Variants in DCC observed in about 807,000 individuals in gnomAD.
DCC encodes the protein netrin receptor DCC.
Under a neutral mutation model 172.5 loss-of-function variants are expected in DCC, and 58 were observed. The ratio of observed to expected loss-of-function variants is 0.34; its 90% CI spans 0.27 to 0.42. The LOEUF is 0.42. Among genes scored for constraint, DCC ranks in the 10% least tolerant of loss-of-function variants. The pLI, the probability that DCC is intolerant of heterozygous loss-of-function variation, is 1.00. For missense variants in DCC, 1,740 were observed against 1,791.0 expected (o/e 0.97, Z 0.51); for synonymous variants, 709 against 644.5 (o/e 1.10, Z -1.52).
intron 1 of DCC, among the ~76,000 whole-genome samples, chr18:52,650,403 A>G (rs2035108092): frequency 6.6e-6 from 1 of 152,214 alleles, no homozygotes; most frequent in Non-Finnish European, 1.5e-5. Context: ...TACAATGTAC[A>G]TTATTTGGGT....
At chr18:52,921,909 C>T (rs1040696285) in intron 3 of DCC, among the ~76,000 whole-genome samples, 1 of 151,624 alleles carries the variant, frequency 6.6e-6, no homozygotes, top group Non-Finnish European at 1.5e-5. Context: ...TACCGAGGAG[C>T]AGATGGTAAA....
At position 52,832,450 on chromosome 18, in the gene DCC, C is replaced by T. The variant is rs1031937071; in HGVS notation, c.413-73594C>T. Reference sequence around the variant, plus strand: ...AAAACTCTGCATGTACCTGTGCACCCTCAAAAACCCTGTGCACCCCAAAAT... The same window carrying T: ...AAAACTCTGCATGTACCTGTGCACCTTCAAAAACCCTGTGCACCCCAAAAT... On this transcript the variant is annotated intron_variant, in intron 2 of 28. Coordinates refer to ENST00000442544, the MANE Select transcript of DCC (RefSeq NM_005215.4). 9.3e-4 allele frequency among the ~76,000 whole-genome samples: 8 copies of T among 8,578 alleles called. No individual in the cohort carries two copies. The Non-Finnish European group carries it at 0.033, about 35-fold the overall frequency. 5.6% of individuals were successfully genotyped at this position (8,578 alleles called of 152,430 possible). A position where few individuals can be genotyped will look rare whatever the true frequency, so the allele number is the denominator to read the frequency against.
At chr18:52,509,987 C>A (rs1437647784) in intron 1 of DCC, among the ~76,000 whole-genome samples, 1 of 152,058 alleles carries the variant, frequency 6.6e-6, no homozygotes, top group Non-Finnish European at 1.5e-5. Context: ...CCTAGTTATC[C>A]CAGCTACTCT....
chr18:53,190,471 TG>T (rs2055350122), intron 9 of DCC, among the ~76,000 whole-genome samples: 1 of 69,574 alleles, frequency 1.4e-5, no homozygotes, highest in Non-Finnish European at 3.4e-5. Context: ...TGTGTGTGTG[TG>T]TGTGTGTGTG....
chr18:53,134,943 G>A (rs562777838), intron 7 of DCC, among the ~76,000 whole-genome samples: 1 of 152,238 alleles, frequency 6.6e-6, no homozygotes, highest in Non-Finnish European at 1.5e-5. Flanking sequence ...TATTGTAACT[G>A]TTGTCACTCT....
intron 2 of DCC, among the ~76,000 whole-genome samples, chr18:52,772,508 C>A (rs2037361285): frequency 6.6e-6 from 1 of 152,058 alleles, no homozygotes; most frequent in Admixed American, 6.6e-5. Flanking sequence ...AGTTAATGTC[C>A]AAGGTACTTA....
chr18:52,930,218 G>A (rs1404158049), intron 5 of DCC, among the ~76,000 whole-genome samples: 1 of 151,976 alleles, frequency 6.6e-6, no homozygotes, highest in East Asian at 1.9e-4. Flanking sequence ...TGCCACCTTG[G>A]CCTCCCAAGG....
At chr18:53,505,248 C>T (rs2046157476) in intron 27 of DCC, 1 of 152,058 alleles carries the variant, frequency 6.6e-6, no homozygotes, top group African/African-American at 2.4e-5. Flanking sequence ...GTCGAGTATC[C>T]CTCTACGGTA....
chr18:53,455,087 T>C (rs2045467666), intron 23 of DCC, among the ~76,000 whole-genome samples: 2 of 152,224 alleles, frequency 1.3e-5, no homozygotes, highest in South Asian at 4.1e-4. Context: ...TCAATATATC[T>C]TTTTCTGATT....
intron 1 of DCC, among the ~76,000 whole-genome samples, chr18:52,582,525 A>G (rs2033573015): frequency 6.6e-6 from 1 of 152,200 alleles, no homozygotes; most frequent in African/African-American, 2.4e-5. Flanking sequence ...CTGTATTTGA[A>G]GTGACAATGC....
At chr18:53,309,468 C>T (rs1291137164) in intron 13 of DCC, among the ~76,000 whole-genome samples, 2 of 152,224 alleles carry the variant, frequency 1.3e-5, no homozygotes, top group Non-Finnish European at 2.9e-5. Context: ...GCTGATCCTT[C>T]AGACATGCAT....
In DCC at chr18:53,345,279, T is replaced by C. The variant is rs146051599; in HGVS notation, c.2359+5372T>C. Among the ~76,000 whole-genome samples the C allele has an allele frequency of 4.6e-5, 7 of 152,270 alleles. No individual in the cohort carries two copies. The East Asian group carries it at 1.2e-3, about 25-fold the overall frequency. Reference sequence around the variant, plus strand: ...ATAATTTACTGATTCCTGCTCTTAGTGATTGCTCTAGGAGATACCATATAT... The same window carrying C: ...ATAATTTACTGATTCCTGCTCTTAGCGATTGCTCTAGGAGATACCATATAT... On this transcript the variant is annotated intron_variant, in intron 15 of 28. Coordinates refer to ENST00000442544, the MANE Select transcript of DCC (RefSeq NM_005215.4).
At chr18:52,810,108 A>AT (rs1018718157) in intron 2 of DCC, among the ~76,000 whole-genome samples, 43 of 152,328 alleles carry the variant, frequency 2.8e-4, no homozygotes, top group African/African-American at 9.9e-4. Context: ...CAAAAAGTTT[A>AT]TTGAAAGGAA....
At chr18:52,500,348 T>C (rs1441968113) in intron 1 of DCC, among the ~76,000 whole-genome samples, 2 of 152,166 alleles carry the variant, frequency 1.3e-5, no homozygotes, top group African/African-American at 4.8e-5. Flanking sequence ...GAGCTGTTGA[T>C]TAGCATCCTG....
intron 27 of DCC, among the ~76,000 whole-genome samples, chr18:53,504,324 A>C (rs2046142051): frequency 6.6e-6 from 1 of 152,206 alleles, no homozygotes; most frequent in Non-Finnish European, 1.5e-5. Context: ...AGGTCATGGG[A>C]GATCAGACAT....
At chr18:53,346,466 T>C (rs1397898077) in intron 15 of DCC, among the ~76,000 whole-genome samples, 1 of 152,182 alleles carries the variant, frequency 6.6e-6, no homozygotes, top group Non-Finnish European at 1.5e-5. Flanking sequence ...GATGTTTTCT[T>C]TCGTTTTTTA....
At chr18:53,461,919 A>G (rs2045564188) in intron 24 of DCC, among the ~76,000 whole-genome samples, 4 of 152,224 alleles carry the variant, frequency 2.6e-5, no homozygotes, top group Non-Finnish European at 4.4e-5. Flanking sequence ...CCTCCAGTAC[A>G]TTGGAGTGAA....
At chr18:53,429,404 C>T (rs1911459909) in intron 21 of DCC, among the ~76,000 whole-genome samples, 1 of 116,310 alleles carries the variant, frequency 8.6e-6, no homozygotes, top group Non-Finnish European at 2.2e-5. Context: ...ATTTTGTATC[C>T]TGGTATTTTT....
Position 52,557,574 on chromosome 18 carries a change from A to T in DCC, c.92-194480A>T, listed in dbSNP as rs546453939. On this transcript the variant is annotated intron_variant, in intron 1 of 28. Coordinates refer to ENST00000442544, the MANE Select transcript of DCC (RefSeq NM_005215.4). ...CTTTCAAAATTAAAGTATAAAGTTT[A>T]CTTTCTCAACTACATAGAAACTTTA... Among the ~76,000 whole-genome samples the T allele has an allele frequency of 6.6e-5, 10 of 152,360 alleles. 1 individual carries two copies. The South Asian group carries it at 2.1e-3, about 32-fold the overall frequency.
Sources: gnomAD v4.1 joint callset for allele counts (sites outside exome capture counted in the v4.1 genomes callset) on GRCh38, gnomAD v4.1.1 for gene constraint, MANE v1.5 for transcripts, NCBI Gene and HGNC (gene_info 2026-07-23, HGNC 2026-07-21) for gene names.